HYCC1: variants seen among roughly 807,000 people sequenced by gnomAD.
The protein encoded by HYCC1 is hyccin PI4KA lipid kinase complex subunit 1.
At chr7:22,991,090 C>T in the HYCC1 span, 26 of 1,610,360 alleles carry the variant, frequency 1.6e-5, no homozygotes, top group Non-Finnish European at 2.2e-5. Context: ...TCCTCCACAA[C>T]CCCTTTCTCT....
chr7:22,896,937 T>C, the HYCC1 span, among the ~76,000 whole-genome samples: 1 of 152,082 alleles, frequency 6.6e-6, no homozygotes, highest in Non-Finnish European at 1.5e-5. Flanking sequence ...CACATACATA[T>C]GGCAGAAACA....
At chr7:23,009,438 A>C in the HYCC1 span, among the ~76,000 whole-genome samples, 5 of 152,180 alleles carry the variant, frequency 3.3e-5, no homozygotes, top group Admixed American at 2.0e-4. Flanking sequence ...ATCACAATGA[A>C]AGAAATTTTC....
At chr7:22,987,379 C>G in the HYCC1 span, among the ~76,000 whole-genome samples, 1 of 152,144 alleles carries the variant, frequency 6.6e-6, no homozygotes, top group African/African-American at 2.4e-5. Flanking sequence ...AAGACCCCAG[C>G]TCTAATAAAA....
At chr7:22,945,702 T>C in the HYCC1 span, 1 of 1,613,842 alleles carries the variant, frequency 6.2e-7, no homozygotes, top group East Asian at 2.2e-5. Context: ...TCTTGGAGAC[T>C]ACAAGCGGAA....
chr7:22,975,869 A>T, the HYCC1 span, among the ~76,000 whole-genome samples: 2 of 152,024 alleles, frequency 1.3e-5, no homozygotes, highest in African/African-American at 2.4e-5. Flanking sequence ...GGCGTGCACC[A>T]CCATGCCCAG....
chr7:23,004,855 G>C, the HYCC1 span, among the ~76,000 whole-genome samples: 1 of 152,072 alleles, frequency 6.6e-6, no homozygotes, highest in East Asian at 1.9e-4. Context: ...GCTCAGGCTG[G>C]AGTGCAATGG....
chr7:22,934,233 T>TC, the HYCC1 span: 1 of 125,538 alleles, frequency 8.0e-6, no homozygotes, highest in Non-Finnish European at 1.7e-5. Context: ...TTTTTTTTTT[T>TC]TCCCTCTCTG....
chr7:22,982,045 C>T, the HYCC1 span, among the ~76,000 whole-genome samples: 1 of 152,172 alleles, frequency 6.6e-6, no homozygotes, highest in Non-Finnish European at 1.5e-5. Context: ...TTAAAACATA[C>T]TTCATGACAG....
chr7:22,900,645 ATAAAT>A, the HYCC1 span, among the ~76,000 whole-genome samples: 2 of 152,320 alleles, frequency 1.3e-5, no homozygotes, highest in East Asian at 3.9e-4. Context: ...AATCAAATAG[ATAAAT>A]TAAAATGGAA....
chr7:22,983,545 G>C, the HYCC1 span, among the ~76,000 whole-genome samples: 1 of 152,140 alleles, frequency 6.6e-6, no homozygotes, highest in African/African-American at 2.4e-5. Flanking sequence ...CTGGATTAAG[G>C]ATTGCCTTGA....
At chr7:22,962,171 C>A in the HYCC1 span, among the ~76,000 whole-genome samples, 2 of 152,150 alleles carry the variant, frequency 1.3e-5, no homozygotes, top group Non-Finnish European at 2.9e-5. Flanking sequence ...AGACAGGTGC[C>A]TCTAAGGAGA....
At chr7:22,941,897 T>C in the HYCC1 span, 1 of 152,206 alleles carries the variant, frequency 6.6e-6, no homozygotes, top group African/African-American at 2.4e-5. Flanking sequence ...CATTAATTTC[T>C]ATCTACAATG....
At chr7:23,004,055 T>C in the HYCC1 span, among the ~76,000 whole-genome samples, 2 of 152,216 alleles carry the variant, frequency 1.3e-5, no homozygotes, top group Non-Finnish European at 2.9e-5. Context: ...TAAGAGTCAA[T>C]TTGTTTTAGC....
the HYCC1 span, chr7:22,935,287 A>T: frequency 6.6e-6 from 1 of 152,148 alleles, no homozygotes; most frequent in Non-Finnish European, 1.5e-5. Flanking sequence ...GCTTAAGATG[A>T]TGGGGTTTTT....
chr7:22,963,324 G>C, the HYCC1 span, among the ~76,000 whole-genome samples: 1 of 152,178 alleles, frequency 6.6e-6, no homozygotes, highest in Non-Finnish European at 1.5e-5. Context: ...CGGACAACAT[G>C]CATGAACAGA....
At chr7:22,922,947 C>T in the HYCC1 span, among the ~76,000 whole-genome samples, 16 of 152,222 alleles carry the variant, frequency 1.1e-4, no homozygotes, top group Non-Finnish European at 1.9e-4. Flanking sequence ...AAGAAATACA[C>T]AATTTAACAA....
the HYCC1 span, among the ~76,000 whole-genome samples, chr7:22,921,875 C>T: frequency 6.6e-6 from 1 of 152,154 alleles, no homozygotes; most frequent in East Asian, 1.9e-4. Context: ...CAGTTCAAAT[C>T]CACATTGCTC....
the HYCC1 span, among the ~76,000 whole-genome samples, chr7:22,982,013 AAC>A: frequency 6.6e-6 from 1 of 152,220 alleles, no homozygotes; most frequent in East Asian, 1.9e-4. Context: ...TTATCCTACA[AAC>A]ACTTTCCAAA....
chr7:22,986,575 C>T, the HYCC1 span, among the ~76,000 whole-genome samples: 1 of 152,184 alleles, frequency 6.6e-6, no homozygotes, highest in Non-Finnish European at 1.5e-5. Flanking sequence ...ACGCTGGGCG[C>T]GATGGCTCAC....
Sources: gnomAD v4.1 joint callset for allele counts (sites outside exome capture counted in the v4.1 genomes callset) on GRCh38, gnomAD v4.1.1 for gene constraint, MANE v1.5 for transcripts, NCBI Gene and HGNC (gene_info 2026-07-23, HGNC 2026-07-21) for gene names.